The following PREX1 variants were observed in gnomAD, a reference collection of about 807,000 sequenced individuals.
PREX1 encodes phosphatidylinositol 3,4,5-trisphosphate-dependent Rac exchanger 1 protein.
A neutral mutation model predicts 198.3 loss-of-function variants in PREX1; 41 were observed. The ratio of observed to expected loss-of-function variants is 0.21; its 90% confidence interval spans 0.16 to 0.27. PREX1 has a LOEUF of 0.27. PREX1 is among the 10% of genes least tolerant of loss of function. The pLI, the probability that PREX1 is intolerant of heterozygous loss-of-function variation, is 1.00. For missense variants in PREX1, 1,620 were observed against 2,200.7 expected (o/e 0.74, Z 5.28); for synonymous variants, 843 against 887.2 (o/e 0.95, Z 0.89).
chr20:48,639,012 G>C (rs978123405), intron 30 of PREX1, among the ~76,000 whole-genome samples: 1 of 152,240 alleles, frequency 6.6e-6, no homozygotes, highest in Non-Finnish European at 1.5e-5. Flanking sequence ...GAACAGCCCA[G>C]AGTCCTCTAA....
At chr20:48,823,634 T>C (rs1308029447) in intron 1 of PREX1, among the ~76,000 whole-genome samples, 1 of 152,152 alleles carries the variant, frequency 6.6e-6, no homozygotes, top group Non-Finnish European at 1.5e-5. Context: ...TTTCTATCCG[T>C]CCACAGTTCT....
At position 48,625,422 on chromosome 20, in the gene PREX1, G is replaced by T. The variant is rs1376419600; in HGVS notation, c.*463C>A. 1 of 162,268 alleles carries T rather than the reference G, an allele frequency of 6.2e-6. No homozygotes were observed. Among genetic ancestry groups the T allele is most frequent in the Non-Finnish European group, 1.3e-5 (1 of 74,400 alleles). The allele number at this position is 162,268 out of a possible 1,614,324, so 10.1% of individuals were successfully genotyped here. On this transcript the variant is annotated 3_prime_UTR_variant, in exon 40 of 40. Coordinates refer to ENST00000371941, the MANE Select transcript of PREX1 (RefSeq NM_020820.4). ...AAGTCCACCAAGCAGGTTAGTACAGGGTTAGGGTGAACCTGGAAGCTAAGA... is the reference window on the plus strand; with the variant it reads ...AAGTCCACCAAGCAGGTTAGTACAGTGTTAGGGTGAACCTGGAAGCTAAGA...
In PREX1 at chr20:48,766,399, C is replaced by T. The variant is rs542493558; in HGVS notation, c.220-18519G>A. Reference sequence around the variant, plus strand: ...CCACTGCCCTGCCCAGCCCATCAGCCGCTCCCCGCTTCTCTGAGAACCCCA... The same window carrying T: ...CCACTGCCCTGCCCAGCCCATCAGCTGCTCCCCGCTTCTCTGAGAACCCCA... On this transcript the variant is annotated intron_variant, in intron 1 of 39. Coordinates refer to ENST00000371941, the MANE Select transcript of PREX1 (RefSeq NM_020820.4). Among the ~76,000 whole-genome samples, 15 of 152,288 alleles carry T rather than the reference C, an allele frequency of 9.8e-5. No homozygotes were observed. In the South Asian group the frequency reaches 2.5e-3, roughly 25 times the overall value.
chr20:48,774,289 C>T (rs2122892521), intron 1 of PREX1, among the ~76,000 whole-genome samples: 1 of 152,312 alleles, frequency 6.6e-6, no homozygotes, highest in South Asian at 2.1e-4. Flanking sequence ...GTGAAGGCTG[C>T]CTGGAGGAGG....
the PREX1 span, among the ~76,000 whole-genome samples, chr20:48,841,518 C>G: frequency 1.3e-5 from 2 of 152,206 alleles, no homozygotes; most frequent in African/African-American, 4.8e-5. Context: ...TGCCATGTTT[C>G]TTAGTCTTAG....
chr20:48,737,995 C>T (rs993658121), intron 3 of PREX1, among the ~76,000 whole-genome samples: 4 of 152,094 alleles, frequency 2.6e-5, no homozygotes, highest in African/African-American at 7.2e-5. Context: ...GTTTCTGTCA[C>T]GTACAGCAAA....
At chr20:48,814,806 A>G (rs922019596) in intron 1 of PREX1, among the ~76,000 whole-genome samples, 1 of 152,238 alleles carries the variant, frequency 6.6e-6, no homozygotes, top group African/African-American at 2.4e-5. Context: ...GAACCCTGTC[A>G]GTAATTACAT....
chr20:48,644,628 G>A, intron 26 of PREX1, 131 bp from the exon 27 acceptor site: 2 of 736,092 alleles, frequency 2.7e-6, no homozygotes, highest in Non-Finnish European at 2.2e-6. Context: ...CCCAGAGAGG[G>A]CACCGAGCAC....
chr20:48,881,939 C>G, the PREX1 span, among the ~76,000 whole-genome samples: 1 of 148,520 alleles, frequency 6.7e-6, no homozygotes, highest in Non-Finnish European at 1.5e-5. Flanking sequence ...CAGCCCTAGA[C>G]AACTACTAAT....
intron 7 of PREX1, among the ~76,000 whole-genome samples, chr20:48,695,332 T>C (rs1288302899): frequency 2.0e-5 from 3 of 152,224 alleles, no homozygotes; most frequent in Non-Finnish European, 2.9e-5. Context: ...CTGGGTATAG[T>C]GACATGGCCA....
intron 1 of PREX1, among the ~76,000 whole-genome samples, chr20:48,812,737 C>G (rs1353140016): frequency 6.6e-6 from 1 of 152,158 alleles, no homozygotes; most frequent in Non-Finnish European, 1.5e-5. Context: ...AGCTGGGCCA[C>G]TGACCACACA....
At position 48,651,463 on chromosome 20, in the gene PREX1, G is replaced by A. The variant is rs2089497038; in HGVS notation, c.2588C>T (p.Ala863Val). The A allele has an allele frequency of 1.2e-6, 2 of 1,614,016 alleles. No individual in the cohort carries two copies. The highest frequency in any genetic ancestry group is 1.7e-5 in the Admixed American group (1 of 60,008). The change falls in exon 22 of 40, where the codon GCA becomes GTA. Residue 863 changes from alanine (A) to valine (V), a missense_variant. Coordinates refer to ENST00000371941, the MANE Select transcript of PREX1 (RefSeq NM_020820.4). ...CTCCAGCACATGGCACCTGACGCCT[G>A]CCGTGCTCACATACTCATACACCAC... ...HGVVYEYVST[A>V]GVRCHVLEKI... is the part of the protein sequence containing the mutation.
chr20:48,685,476 C>T (rs896889096), intron 10 of PREX1, among the ~76,000 whole-genome samples: 11 of 152,200 alleles, frequency 7.2e-5, no homozygotes, highest in Non-Finnish European at 1.0e-4. Context: ...CTGTATCCTC[C>T]GACAGTCCTC....
At chr20:48,798,304 C>A (rs1229084146) in intron 1 of PREX1, among the ~76,000 whole-genome samples, 2 of 152,222 alleles carry the variant, frequency 1.3e-5, no homozygotes, top group African/African-American at 4.8e-5. Context: ...CAAGCCACCA[C>A]CATCCCTCAC....
the PREX1 span, among the ~76,000 whole-genome samples, chr20:48,873,557 A>C: frequency 9.3e-5 from 9 of 96,336 alleles, no homozygotes; most frequent in Admixed American, 1.9e-4. Flanking sequence ...AAAAATACAA[A>C]AAAAAAAAAA....
intron 8 of PREX1, 137 bp downstream of exon 8, chr20:48,692,535 C>A: frequency 3.0e-6 from 2 of 664,860 alleles, no homozygotes; most frequent in South Asian, 2.0e-5. Context: ...CTTCATGCAT[C>A]TATGCTCTGG....
intron 1 of PREX1, among the ~76,000 whole-genome samples, chr20:48,806,427 T>A (rs2090412131): frequency 6.6e-6 from 1 of 152,170 alleles, no homozygotes; most frequent in African/African-American, 2.4e-5. Flanking sequence ...AAATGGTCAT[T>A]TTTTGTTTGT....
In PREX1 at chr20:48,708,205, T is replaced by G. The variant is rs149622951; in HGVS notation, c.783+55A>C. 13 of 1,588,046 alleles carry G rather than the reference T, an allele frequency of 8.2e-6. No individual in the cohort carries two copies. The South Asian group carries it at 1.1e-4, about 14-fold the overall frequency. ...CCAGGCCTCAGTTCATGACTGCACC[T>G]GTGCACCTCCTGGCCCCCTGCGGCC... On this transcript the variant is annotated intron_variant, in intron 6 of 39. Coordinates refer to ENST00000371941, the MANE Select transcript of PREX1 (RefSeq NM_020820.4).
intron 1 of PREX1, among the ~76,000 whole-genome samples, chr20:48,749,500 G>A (rs578133743): frequency 1.3e-4 from 20 of 152,330 alleles, no homozygotes; most frequent in Non-Finnish European, 2.8e-4. Context: ...GCCCAAGATA[G>A]TGCTGGGGTC....
Sources: gnomAD v4.1 joint callset for allele counts (sites outside exome capture counted in the v4.1 genomes callset) on GRCh38, gnomAD v4.1.1 for gene constraint, MANE v1.5 for transcripts, NCBI Gene and HGNC (gene_info 2026-07-23, HGNC 2026-07-21) for gene names.